The following UNC79 variants were observed in gnomAD, a reference collection of about 807,000 sequenced individuals.
UNC79 encodes unc-79 subunit of NALCN channel complex, also known as protein unc-79 homolog.
A neutral mutation model predicts 283.1 loss-of-function variants in UNC79; 37 were observed. The observed-to-expected ratio is 0.13, with a 90% CI of 0.10 to 0.17. The LOEUF is 0.17. Ranked by LOEUF, UNC79 falls within the 10% of genes least tolerant of loss-of-function variation. The pLI, the probability that UNC79 is intolerant of heterozygous loss-of-function variation, is 1.00. For missense variants in UNC79, 2,272 were observed against 3,211.1 expected (o/e 0.71, Z 7.07); for synonymous variants, 1,107 against 1,200.2 (o/e 0.92, Z 1.61).
rs147530737 is a variant in UNC79 at position 93,436,023 on chromosome 14, G to T, written c.22+4972G>T. On this transcript the variant is annotated intron_variant, in intron 1 of 48. Transcript: ENST00000555664. ...TGTTAGTTGCCTTAATTTACTTTGT[G>T]TGTAGATTGTATTATGTTCCTCTCT... 2.0e-5 allele frequency among the ~76,000 whole-genome samples: 3 copies of T among 152,236 alleles called. No individual in the cohort carries two copies. In the East Asian group the frequency reaches 5.8e-4, roughly 29 times the overall value.
chr14:93,493,553 GATC>G (rs1476236366), intron 5 of UNC79, among the ~76,000 whole-genome samples: 8 of 152,244 alleles, frequency 5.3e-5, no homozygotes, highest in African/African-American at 1.9e-4. Flanking sequence ...AGAATAAGCA[GATC>G]TTTCTGAAAG....
At chr14:93,624,947 G>C (rs1371364957) in intron 30 of UNC79, among the ~76,000 whole-genome samples, 2 of 152,142 alleles carry the variant, frequency 1.3e-5, no homozygotes, top group African/African-American at 2.4e-5. Flanking sequence ...ACTTCACTCT[G>C]TTTACGTCAG....
intron 20 of UNC79, among the ~76,000 whole-genome samples, chr14:93,585,923 C>G (rs2064194483): frequency 6.7e-6 from 1 of 150,356 alleles, no homozygotes; most frequent in Non-Finnish European, 1.5e-5. Context: ...GCTCTATTGC[C>G]CAGGCTGGAG....
At chr14:93,504,271 C>CT (rs1555430287) in intron 7 of UNC79, among the ~76,000 whole-genome samples, 1 of 20,628 alleles carries the variant, frequency 4.8e-5, no homozygotes, top group Non-Finnish European at 9.2e-5. Context: ...TCTCCTCCTC[C>CT]TCCATTTCTT....
chr14:93,700,181 A>G (rs1958107), intron 47 of UNC79, among the ~76,000 whole-genome samples: 90,813 of 150,832 alleles, frequency 0.6, 27,722 homozygotes, highest in Admixed American at 0.66. Flanking sequence ...TCTGTATGTG[A>G]TATGTCTTTT....
intron 1 of UNC79, among the ~76,000 whole-genome samples, chr14:93,340,589 G>C: frequency 1.0e-5 from 1 of 98,824 alleles, no homozygotes; most frequent in South Asian, 3.5e-4. Flanking sequence ...TTTTTTTTTT[G>C]AGACAGGGTA....
chr14:93,495,426 A>G (rs893541181), intron 5 of UNC79, among the ~76,000 whole-genome samples: 1 of 152,196 alleles, frequency 6.6e-6, no homozygotes, highest in Admixed American at 6.5e-5. Context: ...CCACGATCCA[A>G]TCACTTCCCA....
At chr14:93,547,105 TAATAAC>T (rs2061638274) in intron 14 of UNC79, among the ~76,000 whole-genome samples, 1 of 152,188 alleles carries the variant, frequency 6.6e-6, no homozygotes. Context: ...AACATTAAAA[TAATAAC>T]AAAATGATAA....
At chr14:93,643,991 C>T (rs1469338475) in intron 34 of UNC79, among the ~76,000 whole-genome samples, 1 of 152,218 alleles carries the variant, frequency 6.6e-6, no homozygotes. Context: ...TAACCACGCA[C>T]ACAACTGTCA....
intron 7 of UNC79, among the ~76,000 whole-genome samples, chr14:93,506,163 T>A (rs1403381093): frequency 6.6e-6 from 1 of 152,090 alleles, no homozygotes; most frequent in Non-Finnish European, 1.5e-5. Flanking sequence ...TCTCAGTTAG[T>A]GTTTGTCTGA....
intron 47 of UNC79, among the ~76,000 whole-genome samples, chr14:93,702,251 C>T (rs1460066938): frequency 6.6e-6 from 1 of 152,004 alleles, no homozygotes; most frequent in East Asian, 1.9e-4. Flanking sequence ...GTAATCCCAC[C>T]GTTTTGTTAT....
At chr14:93,386,927 C>CTTTTTTTTTT (rs35267402) in intron 1 of UNC79, among the ~76,000 whole-genome samples, 2 of 27,162 alleles carry the variant, frequency 7.4e-5, no homozygotes, top group Non-Finnish European at 1.2e-4. Flanking sequence ...TGTATTTCTG[C>CTTTTTTTTTT]TTTTTTTTTT....
chr14:93,425,309 C>T (rs866849410), intron 1 of UNC79, among the ~76,000 whole-genome samples: 30 of 152,268 alleles, frequency 2.0e-4, no homozygotes, highest in Non-Finnish European at 2.9e-4. Flanking sequence ...TGGGAGTAAC[C>T]GCCCCCATGA....
At chr14:93,467,278 A>G (rs750159284) in intron 1 of UNC79, among the ~76,000 whole-genome samples, 8 of 152,170 alleles carry the variant, frequency 5.3e-5, no homozygotes, top group African/African-American at 1.7e-4. Context: ...GCAACATTAA[A>G]TGTAATTCCT....
chr14:93,513,268 G>A (rs79521200), intron 7 of UNC79, among the ~76,000 whole-genome samples: 2,294 of 141,336 alleles, frequency 0.016, 62 homozygotes, highest in African/African-American at 0.057. Context: ...GCCTAGGCTG[G>A]AGTGCAATGG....
Position 93,621,938 on chromosome 14 carries a change from G to A in UNC79, c.4705G>A (p.Gly1569Arg), listed in dbSNP as rs868606603. The stretch of plus-strand genomic sequence containing the variant: ...AATCCCCGAGAACCCAGCTATGGAA[G>A]GGTTTCCAGATGCTCGAAGGCCTGT... The change falls in exon 30 of 49, where the codon GGG becomes AGG. Residue 1569 changes from glycine (G) to arginine (R), a missense_variant. Physicochemically the swap from Gly to Arg is moderately radical, Grantham distance 125 (BLOSUM62 -2). Coordinates refer to ENST00000555664, the Ensembl canonical transcript of UNC79. The surrounding 1 kb of genome is among the most constrained non-coding windows in gnomAD (Gnocchi z 4.8). 6.2e-7 allele frequency: 1 copy of A among 1,614,042 alleles called. No homozygotes were observed. Among genetic ancestry groups the A allele is most frequent in the Admixed American group, 1.7e-5 (1 of 60,004 alleles).
Position 93,430,465 on chromosome 14 carries a change from T to C in UNC79, c.-565T>C, listed in dbSNP as rs1339581948. 1 of 152,472 alleles carries C rather than the reference T, an allele frequency of 6.6e-6. No homozygotes were observed. Among genetic ancestry groups the C allele is most frequent in the Non-Finnish European group, 1.5e-5 (1 of 68,318 alleles). The allele number at this position is 152,472 out of a possible 1,614,324, so 9.4% of individuals were successfully genotyped here. A position where few individuals can be genotyped will look rare whatever the true frequency, so the allele number is the denominator to read the frequency against. On this transcript the variant is annotated 5_prime_UTR_variant, in exon 1 of 49. Coordinates refer to ENST00000555664, the Ensembl canonical transcript of UNC79. The surrounding 1 kb of genome is among the most constrained non-coding windows in gnomAD (Gnocchi z 4.6). ...CGCCCCGGATCCGCCTCCCTCTCCT[T>C]CCTCCCCGAGGTTGAGACGAAGCGT...
intron 14 of UNC79, among the ~76,000 whole-genome samples, chr14:93,568,760 C>T (rs2063049838): frequency 6.6e-6 from 1 of 152,142 alleles, no homozygotes; most frequent in Admixed American, 6.5e-5. Context: ...TTCATCTTTG[C>T]CTCACTTTTA....
At chr14:93,615,720 C>CAAAAAAAAAAA (rs1158073507) in intron 27 of UNC79, among the ~76,000 whole-genome samples, 3 of 23,290 alleles carry the variant, frequency 1.3e-4, no homozygotes, top group Non-Finnish European at 2.1e-4. Context: ...GACTCCATCT[C>CAAAAAAAAAAA]AAAAAAAAAA....
Sources: allele counts gnomAD v4.1 joint callset (sites outside exome capture counted in the v4.1 genomes callset), GRCh38; gene constraint gnomAD v4.1.1; non-coding constraint Gnocchi (gnomAD v3.1); transcripts MANE v1.5; gene names NCBI Gene and HGNC (gene_info 2026-07-23, HGNC 2026-07-21).